Variants in PRMT2 observed in about 807,000 individuals in gnomAD.
PRMT2 encodes the protein protein arginine methyltransferase 2, also known as protein arginine N-methyltransferase 2.
PRMT2 carries 26 observed loss-of-function variants against 57.6 expected under a neutral mutation model. The ratio of observed to expected loss-of-function variants is 0.45; its 90% CI spans 0.33 to 0.63. The LOEUF (loss-of-function observed/expected upper bound fraction) is 0.63, where lower values mean the gene tolerates loss of function less well. Ranked by LOEUF, PRMT2 falls within the 20% of genes least tolerant of loss-of-function variation. PRMT2 has a pLI of 0.02. For missense variants in PRMT2, 472 were observed against 564.4 expected, an observed-to-expected ratio of 0.84 and a Z score of 1.66; for synonymous variants, 219 against 220.0, an observed-to-expected ratio of 1.00 and a Z score of 0.04.
intron 7 of PRMT2, chr21:46,656,846 G>A (rs2061548330): frequency 6.6e-6 from 1 of 152,146 alleles, no homozygotes; most frequent in African/African-American, 2.4e-5. Context: ...AAAAATGACT[G>A]CTCTGCAAAA....
At chr21:46,635,992 G>A (rs2148954737) in intron 1 of PRMT2, 1 of 152,598 alleles carries the variant, frequency 6.6e-6, no homozygotes, top group Non-Finnish European at 1.5e-5. Context: ...GGCCACTCCC[G>A]CCGTCCAGCG....
At chr21:46,652,120 G>A in intron 7 of PRMT2, 1 of 1,482,588 alleles carries the variant, frequency 6.7e-7, no homozygotes, top group Non-Finnish European at 9.0e-7. Flanking sequence ...AGATGGTGCT[G>A]GAACGACTGA....
At chr21:46,655,118 G>C (rs1281098940) in intron 7 of PRMT2, 1 of 165,510 alleles carries the variant, frequency 6.0e-6, no homozygotes. Context: ...TGATTTCACT[G>C]GTGAATTCTA....
intron 3 of PRMT2, among the ~76,000 whole-genome samples, chr21:46,637,878 C>T (rs1488239337): frequency 6.6e-6 from 1 of 151,470 alleles, no homozygotes; most frequent in Non-Finnish European, 1.5e-5. Flanking sequence ...CACTTGGGGC[C>T]GGGAGTTTGA....
chr21:46,656,105 G>T (rs951163360), intron 7 of PRMT2, among the ~76,000 whole-genome samples: 2 of 152,146 alleles, frequency 1.3e-5, no homozygotes, highest in Non-Finnish European at 2.9e-5. Flanking sequence ...GCCCTTCCTC[G>T]TGGGTAGATA....
chr21:46,651,957 C>T (rs2061464597), intron 7 of PRMT2: 7 of 1,613,308 alleles, frequency 4.3e-6, no homozygotes, highest in Non-Finnish European at 5.1e-6. Flanking sequence ...GTTCTCAGAG[C>T]CCCTCAGCCC....
At chr21:46,644,613 C>G in intron 5 of PRMT2, 125 bp downstream of exon 5, 1 of 912,200 alleles carries the variant, frequency 1.1e-6, no homozygotes. Flanking sequence ...TGTAGCCACT[C>G]AGCTCTGACA....
At chr21:46,651,589 T>C (rs898934612) in intron 7 of PRMT2, among the ~76,000 whole-genome samples, 4 of 151,886 alleles carry the variant, frequency 2.6e-5, no homozygotes, top group African/African-American at 9.7e-5. Flanking sequence ...AGGTGAGGGC[T>C]TGAGGCAGTT....
intron 9 of PRMT2, 47 bp from the exon 10 acceptor site, chr21:46,661,753 C>G (rs376459907): frequency 7.8e-7 from 1 of 1,286,690 alleles, no homozygotes; most frequent in Non-Finnish European, 9.9e-7. Flanking sequence ...CCGGGCCCTG[C>G]GGTGCCACGC....
Position 46,664,608 on chromosome 21 carries a change from C to T in PRMT2, c.*281C>T, listed in dbSNP as rs531406310. 56 of 533,912 alleles carry T rather than the reference C, an allele frequency of 1.0e-4. No individual in the cohort carries two copies. The highest frequency in any genetic ancestry group is 8.6e-4 in the African/African-American group (45 of 52,484). 33.1% of individuals were successfully genotyped at this position (533,912 alleles called of 1,614,324 possible). On this transcript the variant is annotated 3_prime_UTR_variant, in exon 12 of 12. Transcript: ENST00000355680. ...ACCCGTGGTGCCCACAGTGCCGACC[C>T]GTGGCTGGGTCGGAGCTCCATGTTC...
intron 8 of PRMT2, chr21:46,659,283 A>G: frequency 9.8e-7 from 1 of 1,018,888 alleles, no homozygotes; most frequent in Non-Finnish European, 1.2e-6. Flanking sequence ...CGTCAGCGAC[A>G]GACATCCATG....
rs533672727 is a variant in PRMT2, at chr21:46,653,404, G to T, written c.654+3665G>T. 7 of 985,400 alleles carry T rather than the reference G, an allele frequency of 7.1e-6. 1 individual carries two copies. The South Asian group carries it at 1.9e-4, about 26-fold the overall frequency. The allele number at this position is 985,400 out of a possible 1,614,324, so 61.0% of individuals were successfully genotyped here. ...TGCACATATTTATAGAATGTGTGGT[G>T]TAGATGATGGGACAGCTCCCCCTCA... On this transcript the variant is annotated intron_variant, in intron 7 of 11. Transcript: ENST00000355680.
intron 7 of PRMT2, chr21:46,657,550 C>T (rs1368497320): frequency 6.6e-6 from 1 of 152,140 alleles, no homozygotes; most frequent in African/African-American, 2.4e-5. Context: ...GTGAAAGAAA[C>T]TTGTCTTGAA....
chr21:46,659,047 T>C, intron 8 of PRMT2, 127 bp downstream of exon 8: 2 of 1,448,960 alleles, frequency 1.4e-6, no homozygotes, highest in Non-Finnish European at 1.8e-6. Context: ...TGCACCCAGA[T>C]AGGACAATCT....
intron 8 of PRMT2, among the ~76,000 whole-genome samples, 191 bp from the exon 9 acceptor site, chr21:46,660,642 T>C (rs1339579544): frequency 6.6e-6 from 1 of 152,050 alleles, no homozygotes; most frequent in Non-Finnish European, 1.5e-5. Flanking sequence ...AGAGTCTGGG[T>C]CTTCTCAGAG....
At chr21:46,654,327 T>TA (rs775703974) in intron 7 of PRMT2, among the ~76,000 whole-genome samples, 4 of 152,286 alleles carry the variant, frequency 2.6e-5, no homozygotes, top group South Asian at 2.1e-4. Context: ...TGCTAGTTTT[T>TA]AAAAAAAGTA....
intron 3 of PRMT2, among the ~76,000 whole-genome samples, chr21:46,640,206 C>T (rs1010869097): frequency 2.6e-5 from 4 of 152,058 alleles, no homozygotes; most frequent in Admixed American, 1.3e-4. Flanking sequence ...ATGTTGTAAA[C>T]GCCACAATAA....
chr21:46,644,616 CTCTGA>C, intron 5 of PRMT2, 128 bp downstream of exon 5: 1 of 900,338 alleles, frequency 1.1e-6, no homozygotes, highest in Non-Finnish European at 1.6e-6. Context: ...AGCCACTCAG[CTCTGA>C]CATGGTTGTG....
intron 10 of PRMT2, among the ~76,000 whole-genome samples, chr21:46,663,135 C>T (rs1036102980): frequency 2.0e-5 from 3 of 152,246 alleles, no homozygotes; most frequent in African/African-American, 7.2e-5. Context: ...CAGGATCTGT[C>T]TCACTAGCGT....
Sources: gnomAD v4.1 joint callset for allele counts (sites outside exome capture counted in the v4.1 genomes callset) on GRCh38, gnomAD v4.1.1 for gene constraint, MANE v1.5 for transcripts, NCBI Gene and HGNC (gene_info 2026-07-23, HGNC 2026-07-21) for gene names.